The following PGAP4 variants were observed in gnomAD, a reference collection of about 807,000 sequenced individuals.
The protein encoded by PGAP4 is GPI-N-acetylgalactosamine transferase PGAP4.
A neutral mutation model predicts 28.2 loss-of-function variants in PGAP4; 12 were observed. The ratio of observed to expected loss-of-function variants is 0.42; its 90% CI spans 0.27 to 0.69. PGAP4 has a LOEUF of 0.69. Among genes scored for constraint, PGAP4 ranks in the 30% least tolerant of loss-of-function variants. PGAP4 has a pLI of 0.22. For missense variants in PGAP4, 425 were observed against 513.5 expected (o/e 0.83, Z 1.67); for synonymous variants, 205 against 211.8 (o/e 0.97, Z 0.28).
chr9:101,499,155 C>G (rs74948895), intron 2 of PGAP4, among the ~76,000 whole-genome samples: 5,879 of 151,870 alleles, frequency 0.039, 162 homozygotes, highest in Admixed American at 0.077. Flanking sequence ...AGCCCAGAAG[C>G]GATGTAAGAT....
At chr9:101,510,445 A>G (rs190949882) in intron 2 of PGAP4, among the ~76,000 whole-genome samples, 15 of 151,754 alleles carry the variant, frequency 9.9e-5, no homozygotes, top group Admixed American at 7.9e-4. Flanking sequence ...CTTTGTCTCT[A>G]TGTGGTGAAG....
At chr9:101,510,116 ACAGTTGTGCCT>A (rs1826883031) in intron 2 of PGAP4, among the ~76,000 whole-genome samples, 1 of 152,124 alleles carries the variant, frequency 6.6e-6, no homozygotes, top group Non-Finnish European at 1.5e-5. Flanking sequence ...ATCCTCTCTA[ACAGTTGTGCCT>A]CAGTATCCTC....
At chr9:101,503,220 A>G (rs1288239799) in intron 2 of PGAP4, among the ~76,000 whole-genome samples, 1 of 152,066 alleles carries the variant, frequency 6.6e-6, no homozygotes, top group East Asian at 1.9e-4. Flanking sequence ...CTAAAAAGCG[A>G]TCTTACAAAA....
intron 2 of PGAP4, among the ~76,000 whole-genome samples, chr9:101,494,552 A>G (rs1174036578): frequency 6.6e-6 from 1 of 151,828 alleles, no homozygotes; most frequent in African/African-American, 2.4e-5. Context: ...GTTTTGTTTA[A>G]TCCTGATTAG....
chr9:101,492,718 AT>A (rs1826702009), intron 2 of PGAP4, among the ~76,000 whole-genome samples: 1 of 151,558 alleles, frequency 6.6e-6, no homozygotes, highest in Admixed American at 6.6e-5. Context: ...TCAGCTTCTG[AT>A]TTTTTAGACT....
intron 2 of PGAP4, among the ~76,000 whole-genome samples, chr9:101,515,274 C>T (rs1266532078): frequency 3.3e-5 from 5 of 152,212 alleles, no homozygotes; most frequent in South Asian, 2.1e-4. Context: ...CTTTCATTCC[C>T]CTTCCTCTGT....
rs1826335021 is a variant in PGAP4 at position 101,476,879 on chromosome 9, C to G, written c.214G>C (p.Glu72Gln). The change falls in exon 2 of 2, where the codon GAG becomes CAG. Residue 72 changes from glutamate (E) to glutamine (Q), a missense_variant. By Grantham distance (29) the Glu-to-Gln change is conservative. Coordinates refer to ENST00000374848, the MANE Select transcript of PGAP4 (RefSeq NM_032342.3). This position sits in a 1 kb window ranked among gnomAD's most constrained non-coding sequence, Gnocchi z 7.0. The stretch of plus-strand genomic sequence containing the variant: ...AAATAGTGGAGGGCAGCCTCACCCT[C>G]TTTCAAGCTTTGCTGCAGGAACTCT... ...SQEFLQQSLK[E>Q]GEAALHYFEE... The G allele has an allele frequency of 6.2e-7, 1 of 1,612,466 alleles. No individual in the cohort carries two copies. Among genetic ancestry groups the G allele is most frequent in the Admixed American group, 1.7e-5 (1 of 59,942 alleles).
At chr9:101,487,327 G>C (rs935406925), upstream of PGAP4, 1 of 152,242 alleles carries the variant, frequency 6.6e-6, no homozygotes, top group Non-Finnish European at 1.5e-5. Flanking sequence ...ATTTCATCAG[G>C]TGTGTACATA....
At chr9:101,479,310 A>G (rs1826414480) in intron 1 of PGAP4, among the ~76,000 whole-genome samples, 1 of 152,240 alleles carries the variant, frequency 6.6e-6, no homozygotes, top group Non-Finnish European at 1.5e-5. Flanking sequence ...TGGCCTTGGA[A>G]AAGGAGGCAT....
rs544268089 is a variant in PGAP4 at position 101,518,766 on chromosome 9, G to T, written c.-165+12582C>A. ...CAATTTTTCAATTGTGAATTGTGCTGCTATAAACATGCGTGTGCAAGTATC... is the reference window on the plus strand; with the variant it reads ...CAATTTTTCAATTGTGAATTGTGCTTCTATAAACATGCGTGTGCAAGTATC... On this transcript the variant is annotated intron_variant, in intron 2 of 3. Transcript: ENST00000374851. 4.5e-4 allele frequency among the ~76,000 whole-genome samples: 69 copies of T among 152,300 alleles called. 1 individual carries two copies. Among genetic ancestry groups the T allele is most frequent in the African/African-American group, 1.6e-3 (65 of 41,562 alleles).
chr9:101,485,765 A>G (rs1826599006), intron 1 of PGAP4, among the ~76,000 whole-genome samples: 1 of 152,042 alleles, frequency 6.6e-6, no homozygotes, highest in Admixed American at 6.6e-5. Context: ...TGAAGTTTTA[A>G]GTTATTTTTA....
intron 2 of PGAP4, among the ~76,000 whole-genome samples, chr9:101,520,311 CA>C (rs1159589855): frequency 2.6e-5 from 4 of 152,106 alleles, no homozygotes; most frequent in Admixed American, 6.5e-5. Context: ...ACAGTATGGC[CA>C]CTTTCACAAT....
chr9:101,522,039 G>A, intron 2 of PGAP4, among the ~76,000 whole-genome samples: 1 of 152,108 alleles, frequency 6.6e-6, no homozygotes, highest in East Asian at 1.9e-4. Context: ...TCCTTTTGGA[G>A]TCGATGTTCA....
intron 1 of PGAP4, among the ~76,000 whole-genome samples, chr9:101,485,499 A>C (rs1826592871): frequency 6.6e-6 from 1 of 152,242 alleles, no homozygotes; most frequent in Non-Finnish European, 1.5e-5. Flanking sequence ...TGTGTAATAC[A>C]CATAAAGTGT....
At chr9:101,515,232 T>C (rs1266460520) in intron 2 of PGAP4, among the ~76,000 whole-genome samples, 1 of 152,202 alleles carries the variant, frequency 6.6e-6, no homozygotes, top group African/African-American at 2.4e-5. Context: ...TAGAGGCTGC[T>C]GCATCCTTGG....
intron 2 of PGAP4, among the ~76,000 whole-genome samples, chr9:101,527,828 T>C (rs1382802870): frequency 3.9e-5 from 6 of 152,248 alleles, no homozygotes; most frequent in Admixed American, 3.9e-4. Context: ...GTTGTTTTGC[T>C]AATATTAAGG....
intron 2 of PGAP4, among the ~76,000 whole-genome samples, chr9:101,507,867 T>TC (rs1826860687): frequency 6.6e-6 from 1 of 152,136 alleles, no homozygotes; most frequent in Admixed American, 6.6e-5. Context: ...ATGCTGTGTA[T>TC]CCCCACACAC....
At chr9:101,522,098 T>C (rs1325067936) in intron 2 of PGAP4, among the ~76,000 whole-genome samples, 1 of 152,212 alleles carries the variant, frequency 6.6e-6, no homozygotes, top group Admixed American at 6.5e-5. Flanking sequence ...ATTTCAATTT[T>C]CTTAAATTTA....
At position 101,476,139 on chromosome 9, in the gene PGAP4, C is replaced by T; in HGVS notation, c.954G>A (p.Arg318=). Residue 318 remains arginine, a synonymous_variant, in exon 2 of 2, where the codon CGG becomes CGA. Coordinates refer to ENST00000374848, the MANE Select transcript of PGAP4 (RefSeq NM_032342.3). The surrounding 1 kb of genome is among the most constrained non-coding windows in gnomAD (Gnocchi z 7.0). ...CCACACTGTACAGGGAAGGACTCAGCCGCCGCAGTTCCAGGAAATAGTGCC... is the reference window on the plus strand; with the variant it reads ...CCACACTGTACAGGGAAGGACTCAGTCGCCGCAGTTCCAGGAAATAGTGCC... ...VGRHYFLELR[R]LSPSLYSVVP... 1 of 1,614,094 alleles carries T rather than the reference C, an allele frequency of 6.2e-7. No individual in the cohort carries two copies. Among genetic ancestry groups the T allele is most frequent in the Non-Finnish European group, 8.5e-7 (1 of 1,179,972 alleles).
Sources: gnomAD v4.1 joint callset for allele counts (sites outside exome capture counted in the v4.1 genomes callset) on GRCh38, gnomAD v4.1.1 for gene constraint, Gnocchi (gnomAD v3.1) non-coding constraint, MANE v1.5 for transcripts, NCBI Gene and HGNC (gene_info 2026-07-23, HGNC 2026-07-21) for gene names.